MYZAP: variants seen among roughly 807,000 people sequenced by gnomAD.
The protein encoded by MYZAP is GRINL1A complex locus upstream.
In MYZAP, 66 loss-of-function variants were observed where a neutral mutation model predicts 69.4. The observed-to-expected ratio is 0.95, with a 90% CI of 0.78 to 1.17. The LOEUF is 1.17. Ranked by LOEUF, MYZAP falls within the 50% of genes most tolerant of loss-of-function variation. The pLI is 0.00. For missense variants in MYZAP, 611 were observed against 556.2 expected (o/e 1.10, Z -0.99); for synonymous variants, 256 against 205.9 (o/e 1.24, Z -2.09).
chr15:57,634,023 A>G (rs1369819654), intron 8 of MYZAP, among the ~76,000 whole-genome samples: 12 of 152,202 alleles, frequency 7.9e-5, no homozygotes, highest in Non-Finnish European at 1.3e-4. Flanking sequence ...GTGTGAACTT[A>G]GTTTATCCAT....
intron 12 of MYZAP, 127 bp from the exon 13 acceptor site, chr15:57,684,275 A>G: frequency 1.5e-6 from 1 of 658,824 alleles, no homozygotes; most frequent in Non-Finnish European, 2.7e-6. Flanking sequence ...TGAAATATTA[A>G]GCTGCATTAT....
intron 3 of MYZAP, among the ~76,000 whole-genome samples, chr15:57,620,720 A>G (rs1406885606): frequency 6.6e-6 from 1 of 152,152 alleles, no homozygotes. Context: ...ACTTCCTTCC[A>G]TTCCAGATAT....
chr15:57,640,593 A>T (rs569547588), intron 10 of MYZAP, among the ~76,000 whole-genome samples: 19 of 152,356 alleles, frequency 1.2e-4, no homozygotes, highest in Admixed American at 3.3e-4. Flanking sequence ...CAAATGGAAG[A>T]TTAAAATATA....
At chr15:57,607,717 A>G (rs2034844562) in intron 2 of MYZAP, among the ~76,000 whole-genome samples, 1 of 152,206 alleles carries the variant, frequency 6.6e-6, no homozygotes, top group African/African-American at 2.4e-5. Context: ...TTGGTGACTC[A>G]CTGCAGAAGA....
intron 5 of MYZAP, 78 bp downstream of exon 5, chr15:57,625,970 G>A: frequency 7.9e-7 from 1 of 1,259,386 alleles, no homozygotes; most frequent in Non-Finnish European, 1.2e-6. Flanking sequence ...AGAAAAATAA[G>A]TCACAGAACA....
intron 12 of MYZAP, among the ~76,000 whole-genome samples, chr15:57,678,443 T>C (rs2039252342): frequency 6.6e-6 from 1 of 152,184 alleles, no homozygotes; most frequent in South Asian, 2.1e-4. Context: ...AACTAATAGC[T>C]ATTACTATTA....
intron 11 of MYZAP, among the ~76,000 whole-genome samples, chr15:57,674,433 A>G (rs1439945307): frequency 1.3e-5 from 2 of 152,238 alleles, no homozygotes; most frequent in Non-Finnish European, 2.9e-5. Flanking sequence ...CGAAAGACTA[A>G]TTAAGTTATA....
At chr15:57,650,324 CT>C (rs1416938280) in intron 10 of MYZAP, among the ~76,000 whole-genome samples, 1 of 152,060 alleles carries the variant, frequency 6.6e-6, no homozygotes, top group African/African-American at 2.4e-5. Context: ...TTATGGGGAG[CT>C]TATGGGACAG....
chr15:57,617,961 G>A, intron 2 of MYZAP, 72 bp from the exon 3 acceptor site: 5 of 1,532,614 alleles, frequency 3.3e-6, no homozygotes, highest in Non-Finnish European at 3.5e-6. Flanking sequence ...ATACACAGTG[G>A]GCCCGTTATT....
intron 10 of MYZAP, among the ~76,000 whole-genome samples, chr15:57,654,662 C>T (rs1334855170): frequency 6.6e-6 from 1 of 152,166 alleles, no homozygotes; most frequent in Non-Finnish European, 1.5e-5. Flanking sequence ...ACTCACATGA[C>T]TACAATGCTA....
In MYZAP at chr15:57,648,479, A is replaced by T. The variant is rs549546969; in HGVS notation, c.1119+8934A>T. 3 of 985,058 alleles carry T rather than the reference A, an allele frequency of 3.0e-6. No homozygotes were observed. The African/African-American group carries it at 5.2e-5, about 17-fold the overall frequency. The allele number at this position is 985,058 out of a possible 1,614,324, so 61.0% of individuals were successfully genotyped here. A position where few individuals can be genotyped will look rare whatever the true frequency, so the allele number is the denominator to read the frequency against. The stretch of plus-strand genomic sequence containing the variant: ...TGCTTCTCTCATTCCAAGGCTATGC[A>T]TATGGATGTCACATTCCCATGTCAA... On this transcript the variant is annotated intron_variant, in intron 10 of 12. Transcript: ENST00000267853.
At chr15:57,592,326 T>C (rs1004286102) in intron 1 of MYZAP, among the ~76,000 whole-genome samples, 8 of 152,168 alleles carry the variant, frequency 5.3e-5, no homozygotes, top group African/African-American at 1.9e-4. Context: ...TAGGGGACTT[T>C]ATGGAATTCC....
chr15:57,647,130 C>A (rs1275616550), intron 10 of MYZAP: 1 of 985,294 alleles, frequency 1.0e-6, no homozygotes, highest in African/African-American at 1.7e-5. Flanking sequence ...GCAAAGCAGG[C>A]ATGAAGCTGC....
chr15:57,636,268 A>G (rs2036813285), intron 8 of MYZAP, among the ~76,000 whole-genome samples: 1 of 152,160 alleles, frequency 6.6e-6, no homozygotes, highest in Admixed American at 6.5e-5. Context: ...GGCCATAAGA[A>G]TGTGCATTTG....
intron 2 of MYZAP, among the ~76,000 whole-genome samples, chr15:57,607,860 G>A (rs1471668879): frequency 6.6e-6 from 1 of 152,172 alleles, no homozygotes; most frequent in Non-Finnish European, 1.5e-5. Context: ...GTCCTGGCCA[G>A]GTTCCTGGCA....
intron 5 of MYZAP, among the ~76,000 whole-genome samples, chr15:57,627,601 C>T (rs2036236578): frequency 6.6e-6 from 1 of 152,092 alleles, no homozygotes; most frequent in Admixed American, 6.5e-5. Context: ...TTCCACTGGC[C>T]CACTCTGTCC....
intron 2 of MYZAP, among the ~76,000 whole-genome samples, chr15:57,609,136 G>C (rs1305551041): frequency 2.0e-5 from 3 of 152,198 alleles, no homozygotes; most frequent in Admixed American, 6.5e-5. Context: ...CACACACACA[G>C]AGAAATGAGG....
chr15:57,673,369 T>A (rs965846712), intron 11 of MYZAP, among the ~76,000 whole-genome samples: 1 of 152,142 alleles, frequency 6.6e-6, no homozygotes, highest in Non-Finnish European at 1.5e-5. Context: ...GCCTTTCTCT[T>A]TTTTTATAAA....
At chr15:57,646,369 A>C in intron 10 of MYZAP, 1 of 1,173,762 alleles carries the variant, frequency 8.5e-7, no homozygotes, top group South Asian at 1.7e-5. Flanking sequence ...GTTTGTGAAA[A>C]CACCCACATA....
Sources: allele counts gnomAD v4.1 joint callset (sites outside exome capture counted in the v4.1 genomes callset), GRCh38; gene constraint gnomAD v4.1.1; transcripts MANE v1.5; gene names NCBI Gene and HGNC (gene_info 2026-07-23, HGNC 2026-07-21).